Variants in SENP1 observed in about 807,000 individuals in gnomAD.
The protein encoded by SENP1 is sentrin-specific protease 1.
In SENP1, 21 loss-of-function variants were observed where a neutral mutation model predicts 93.0. The ratio of observed to expected loss-of-function variants is 0.23; its 90% CI spans 0.16 to 0.33. SENP1 has a LOEUF of 0.33. SENP1 is among the 10% of genes least tolerant of loss of function. The pLI, the probability that SENP1 is intolerant of heterozygous loss-of-function variation, is 1.00. For synonymous variants in SENP1, 256 were observed against 259.6 expected, an observed-to-expected ratio of 0.99 and a Z score of 0.13; for missense variants, 591 against 758.7, an observed-to-expected ratio of 0.78 and a Z score of 2.60.
At chr12:48,060,075 AAC>A (rs1942857197) in intron 13 of SENP1, among the ~76,000 whole-genome samples, 1 of 152,104 alleles carries the variant, frequency 6.6e-6, no homozygotes, top group African/African-American at 2.4e-5. Flanking sequence ...CCTCCTTCAC[AAC>A]ACACACACCC....
chr12:48,067,808 T>TAA (rs1193598266), intron 9 of SENP1, among the ~76,000 whole-genome samples: 2 of 144,344 alleles, frequency 1.4e-5, no homozygotes, highest in Non-Finnish European at 3.1e-5. Flanking sequence ...TTCTGTCTCT[T>TAA]AAAAAAAAAA....
chr12:48,048,072 G>T lies in SENP1; in HGVS notation c.1620C>A (p.Asp540Glu). Residue 540 changes from aspartate (D) to glutamate (E), a missense_variant, in exon 15 of 18, where the codon GAC (aspartate) becomes GAA (glutamate). This residue lies in a region of SENP1 where 132 missense variants were observed against 230.1 expected (regional missense o/e 0.57). Transcript: ENST00000549518. ...AATAGGTAATATTCTTCTTTCTAAA[G>T]TCCACAACCTGAGAATAAGAAAAAA... ...LGVHWCLAVV[D>E]FRKKNITYYD... is the part of the protein sequence containing the mutation. The T allele has an allele frequency of 6.3e-7, 1 of 1,599,592 alleles. No homozygotes were observed. The highest frequency in any genetic ancestry group is 8.6e-7 in the Non-Finnish European group (1 of 1,167,310).
At chr12:48,083,065 C>T (rs1370808516) in intron 6 of SENP1, among the ~76,000 whole-genome samples, 4 of 151,762 alleles carry the variant, frequency 2.6e-5, no homozygotes, top group African/African-American at 9.7e-5. Flanking sequence ...CCACCAAGCC[C>T]GTCTAATTTT....
intron 6 of SENP1, among the ~76,000 whole-genome samples, chr12:48,081,673 C>T (rs970661846): frequency 1.1e-4 from 16 of 145,166 alleles, no homozygotes; most frequent in Admixed American, 4.3e-4. Flanking sequence ...TGGGCTCAAA[C>T]GATCTTCCTG....
Position 48,044,575 on chromosome 12 carries a change from G to A in SENP1, c.*747C>T, listed in dbSNP as rs956097212. Reference sequence around the variant, plus strand: ...TTGCGCCACTGAAACCGCTCCCTGGGTGGGTCTTCCCCGTATCATGTGTTG... The same window carrying A: ...TTGCGCCACTGAAACCGCTCCCTGGATGGGTCTTCCCCGTATCATGTGTTG... On this transcript the variant is annotated 3_prime_UTR_variant, in exon 18 of 18. Transcript: ENST00000549518. The A allele has an allele frequency of 6.6e-6, 1 of 152,004 alleles. No individual in the cohort carries two copies. The highest frequency in any genetic ancestry group is 1.5e-5 in the Non-Finnish European group (1 of 68,012). The allele number at this position is 152,004 out of a possible 1,614,324, so 9.4% of individuals were successfully genotyped here.
At chr12:48,105,552 T>C (rs1946469334) in intron 1 of SENP1, 2 of 502,836 alleles carry the variant, frequency 4.0e-6, no homozygotes, top group Admixed American at 2.0e-5. Context: ...GGAGAAATGT[T>C]TACGTGAGAC....
At chr12:48,049,350 T>C (rs552460976) in intron 13 of SENP1, among the ~76,000 whole-genome samples, 28 of 152,214 alleles carry the variant, frequency 1.8e-4, no homozygotes, top group African/African-American at 6.3e-4. Context: ...GACATATATA[T>C]TATGGGGTTG....
rs182050415 is a variant in SENP1, at chr12:48,097,551, C to T, written c.135+443G>A. 9.5e-4 allele frequency among the ~76,000 whole-genome samples: 145 copies of T among 152,240 alleles called. 1 individual carries two copies. The highest frequency in any genetic ancestry group is 3.7e-4 in the Non-Finnish European group (25 of 68,016). On this transcript the variant is annotated intron_variant, in intron 3 of 17. Coordinates refer to ENST00000549518, the MANE Select transcript of SENP1 (RefSeq NM_001267594.2). The stretch of plus-strand genomic sequence containing the variant: ...TCTGATTCAGTGATATGAGGTAAAG[C>T]CTGAGAGTCTGCATTTCTATCAAGC...
At chr12:48,085,083 A>G in intron 5 of SENP1, 1 of 1,355,474 alleles carries the variant, frequency 7.4e-7, no homozygotes, top group Non-Finnish European at 1.0e-6. Flanking sequence ...AAGGAAGCTC[A>G]TCGCAGTGAT....
chr12:48,086,277 C>A (rs1054769714), intron 5 of SENP1, among the ~76,000 whole-genome samples: 3 of 151,954 alleles, frequency 2.0e-5, no homozygotes, highest in Non-Finnish European at 4.4e-5. Context: ...CTCTAATAGC[C>A]CCAGCTAAGG....
Position 48,069,614 on chromosome 12 carries a change from C to T in SENP1, c.995+2053G>A, listed in dbSNP as rs530194040. Among the ~76,000 whole-genome samples the T allele has an allele frequency of 3.7e-4, 56 of 152,240 alleles. 1 individual carries two copies. The highest frequency in any genetic ancestry group is 3.3e-3 in the Admixed American group (50 of 15,286). ...ATCTTGTGGCATTTCATGTGAAGCA[C>T]TTATAAAAATAAGTGTTTTATCTGT... is the stretch of plus-strand genomic sequence containing the variant. On this transcript the variant is annotated intron_variant, in intron 9 of 17. Coordinates refer to ENST00000549518, the MANE Select transcript of SENP1 (RefSeq NM_001267594.2).
chr12:48,054,693 G>A (rs2061973877), intron 13 of SENP1: 1 of 152,230 alleles, frequency 6.6e-6, no homozygotes, highest in Admixed American at 6.6e-5. Flanking sequence ...GGGGGGCTGG[G>A]GCAGGAGAAT....
At chr12:48,055,797 A>G (rs1942205172) in intron 13 of SENP1, among the ~76,000 whole-genome samples, 2 of 145,848 alleles carry the variant, frequency 1.4e-5, no homozygotes, top group Admixed American at 1.4e-4. Flanking sequence ...TATTTAATAT[A>G]TAAATAAAAT....
At chr12:48,091,947 C>A (rs1366261141) in intron 4 of SENP1, among the ~76,000 whole-genome samples, 1 of 152,078 alleles carries the variant, frequency 6.6e-6, no homozygotes, top group Non-Finnish European at 1.5e-5. Flanking sequence ...TCCCAAAGTG[C>A]TAGGATTACA....
chr12:48,096,488 T>A, intron 3 of SENP1, 61 bp from the exon 4 acceptor site: 1 of 1,039,240 alleles, frequency 9.6e-7, no homozygotes, highest in Non-Finnish European at 1.5e-6. Flanking sequence ...ACAGTCTCAC[T>A]CTTGTTGCCC....
intron 6 of SENP1, chr12:48,081,500 T>C (rs1319828140): frequency 6.6e-6 from 1 of 152,058 alleles, no homozygotes; most frequent in East Asian, 1.9e-4. Flanking sequence ...GCCAGTTTCT[T>C]GTCTATCCCT....
Position 48,056,346 on chromosome 12 carries a change from CATATA to C in SENP1, c.1408-7219_1408-7215del, listed in dbSNP as rs369009387. The stretch of plus-strand genomic sequence containing the variant: ...TATATAAATATTATTTAATATATTA[CATATA>C]ATATATTATTTAATATATTACATAT... On this transcript the variant is annotated intron_variant, in intron 13 of 17. Coordinates refer to ENST00000549518, the MANE Select transcript of SENP1 (RefSeq NM_001267594.2). 6.2e-3 allele frequency among the ~76,000 whole-genome samples: 524 copies of C among 83,958 alleles called. 10 individuals are homozygous for C. The highest frequency in any genetic ancestry group is 0.018 in the Middle Eastern group (1 of 56). The allele number at this position is 83,958 out of a possible 152,430, so 55.1% of individuals were successfully genotyped here. A position where few individuals can be genotyped will look rare whatever the true frequency, so the allele number is the denominator to read the frequency against.
chr12:48,050,722 G>A (rs569952514), intron 13 of SENP1, among the ~76,000 whole-genome samples: 8 of 152,304 alleles, frequency 5.3e-5, no homozygotes, highest in African/African-American at 1.7e-4. Flanking sequence ...AGCCATAAAT[G>A]CAGTAGGATC....
chr12:48,090,069 C>T (rs947141422), intron 4 of SENP1, among the ~76,000 whole-genome samples: 6 of 152,128 alleles, frequency 3.9e-5, no homozygotes, highest in Admixed American at 1.3e-4. Context: ...CTTGTTAATT[C>T]AACAGTTGGT....
Sources: gnomAD v4.1 joint callset for allele counts (sites outside exome capture counted in the v4.1 genomes callset) on GRCh38, gnomAD v4.1.1 for gene constraint, gnomAD v4.1.1 regional missense constraint, MANE v1.5 for transcripts, NCBI Gene and HGNC (gene_info 2026-07-23, HGNC 2026-07-21) for gene names.